The following SGCZ variants were observed in gnomAD, a reference collection of about 807,000 sequenced individuals.
SGCZ encodes zeta-sarcoglycan.
Under a neutral mutation model 41.3 loss-of-function variants are expected in SGCZ, and 40 were observed. That is an observed-to-expected ratio of 0.97 (90% CI 0.75 to 1.26). SGCZ has a LOEUF of 1.26. Ranked by LOEUF, SGCZ falls within the 50% of genes most tolerant of loss-of-function variation. The pLI, the probability that SGCZ is intolerant of heterozygous loss-of-function variation, is 0.00. For synonymous variants in SGCZ, 206 were observed against 137.5 expected, an observed-to-expected ratio of 1.50 and a Z score of -3.49; for missense variants, 552 against 369.8, an observed-to-expected ratio of 1.49 and a Z score of -4.04.
chr8:14,958,133 T>G, intron 1 of SGCZ, among the ~76,000 whole-genome samples: 1 of 152,118 alleles, frequency 6.6e-6, no homozygotes, highest in East Asian at 1.9e-4. Flanking sequence ...TCCTCTGGAC[T>G]TTTTTATTTG....
intron 1 of SGCZ, among the ~76,000 whole-genome samples, chr8:14,913,079 TAGAA>T (rs1799325249): frequency 2.0e-5 from 3 of 151,924 alleles, no homozygotes; most frequent in Admixed American, 1.3e-4. Flanking sequence ...GTAGAATAAA[TAGAA>T]AGAAAAAAAT....
Position 15,027,622 on chromosome 8 carries a change from C to T in SGCZ, c.39+209963G>A, listed in dbSNP as rs138359096. On this transcript the variant is annotated intron_variant, in intron 1 of 7. Transcript: ENST00000382080. ...CAATAGAAAGTGGATTTCCGTTAATCTGAAGATATTGCAAGATATAAAATT... is the reference window on the plus strand; with the variant it reads ...CAATAGAAAGTGGATTTCCGTTAATTTGAAGATATTGCAAGATATAAAATT... Among the ~76,000 whole-genome samples, 270 of 152,102 alleles carry T rather than the reference C, an allele frequency of 1.8e-3. 7 individuals carry two copies. Among genetic ancestry groups the T allele is most frequent in the Admixed American group, 0.016 (240 of 15,252 alleles).
chr8:14,475,390 G>A (rs1801328782), intron 2 of SGCZ, among the ~76,000 whole-genome samples: 2 of 152,026 alleles, frequency 1.3e-5, no homozygotes, highest in African/African-American at 2.4e-5. Flanking sequence ...GAAAGTAGCA[G>A]CAAACATTAT....
chr8:14,245,779 G>A (rs1283744278), intron 3 of SGCZ, among the ~76,000 whole-genome samples: 1 of 152,078 alleles, frequency 6.6e-6, no homozygotes, highest in Non-Finnish European at 1.5e-5. Context: ...ATCAAAAAGT[G>A]GGTGAAGGAC....
intron 1 of SGCZ, among the ~76,000 whole-genome samples, chr8:14,735,262 G>T (rs1798992702): frequency 1.3e-5 from 2 of 152,150 alleles, no homozygotes; most frequent in East Asian, 3.9e-4. Flanking sequence ...TCTGGGGTGT[G>T]TCTGTAAGGG....
intron 5 of SGCZ, among the ~76,000 whole-genome samples, chr8:14,163,669 A>C (rs546312888): frequency 1.1e-4 from 16 of 152,264 alleles, no homozygotes; most frequent in African/African-American, 3.9e-4. Flanking sequence ...TCTAGAGTTG[A>C]ATATATGGAG....
At chr8:14,692,992 G>A (rs1453945754) in intron 1 of SGCZ, among the ~76,000 whole-genome samples, 1 of 152,144 alleles carries the variant, frequency 6.6e-6, no homozygotes, top group Admixed American at 6.5e-5. Context: ...AGAGCTCTCT[G>A]TATAACTTTA....
At chr8:14,092,654 AG>A (rs1379361625) in intron 7 of SGCZ, among the ~76,000 whole-genome samples, 1 of 151,936 alleles carries the variant, frequency 6.6e-6, no homozygotes, top group Admixed American at 6.6e-5. Flanking sequence ...TGGTTTTATA[AG>A]GGGGAAACCC....
intron 1 of SGCZ, among the ~76,000 whole-genome samples, chr8:14,729,853 G>C (rs1810177192): frequency 1.3e-5 from 2 of 152,212 alleles, no homozygotes; most frequent in Non-Finnish European, 2.9e-5. Context: ...AGGAGGACGA[G>C]GCAGGCAGAC....
At chr8:14,938,802 G>A (rs141080734) in intron 1 of SGCZ, among the ~76,000 whole-genome samples, 2 of 152,058 alleles carry the variant, frequency 1.3e-5, no homozygotes, top group African/African-American at 2.4e-5. Flanking sequence ...ATAAGCTGTG[G>A]TACAATGATA....
chr8:15,032,470 AG>A (rs1803710729), intron 1 of SGCZ, among the ~76,000 whole-genome samples: 1 of 152,052 alleles, frequency 6.6e-6, no homozygotes. Context: ...GGCCCACTCT[AG>A]TAAAATGCAG....
intron 5 of SGCZ, among the ~76,000 whole-genome samples, chr8:14,140,842 A>G (rs532331691): frequency 1.3e-5 from 2 of 152,306 alleles, no homozygotes; most frequent in East Asian, 1.9e-4. Flanking sequence ...ATATGGAACC[A>G]AAAAAGAGCC....
chr8:15,209,322 C>T (rs1801166581), intron 1 of SGCZ, among the ~76,000 whole-genome samples: 1 of 152,002 alleles, frequency 6.6e-6, no homozygotes, highest in Admixed American at 6.6e-5. Flanking sequence ...TTGTAAGAGA[C>T]TTCTGAGACT....
At chr8:15,120,913 G>A (rs1807454758) in intron 1 of SGCZ, among the ~76,000 whole-genome samples, 4 of 152,150 alleles carry the variant, frequency 2.6e-5, no homozygotes, top group Admixed American at 2.6e-4. Context: ...TCCAAAAACA[G>A]CCTCTGAAGA....
rs1801548660 is a variant in SGCZ at position 14,087,304 on chromosome 8, TG to T, written c.*3138del. The stretch of plus-strand genomic sequence containing the variant: ...ATTTGGAAGTTTTTGTTGTTCTTGC[TG>T]TTTTTTTTTGAAGTATTTAATTGAA... On this transcript the variant is annotated 3_prime_UTR_variant, in exon 8 of 8. Transcript: ENST00000382080. Among the ~76,000 whole-genome samples the T allele has an allele frequency of 1.2e-5, 1 of 84,584 alleles. No homozygotes were observed. The highest frequency in any genetic ancestry group is 1.1e-4 in the Admixed American group (1 of 9,356). The allele number at this position is 84,584 out of a possible 152,430, so 55.5% of individuals were successfully genotyped here. A position where few individuals can be genotyped will look rare whatever the true frequency, so the allele number is the denominator to read the frequency against.
intron 1 of SGCZ, among the ~76,000 whole-genome samples, chr8:15,219,855 C>T (rs1164237097): frequency 2.0e-5 from 3 of 152,096 alleles, no homozygotes; most frequent in Non-Finnish European, 2.9e-5. Flanking sequence ...AACAAATATT[C>T]CTGAAGTGCC....
chr8:14,421,163 C>T (rs1172375487), intron 2 of SGCZ, among the ~76,000 whole-genome samples: 1 of 151,978 alleles, frequency 6.6e-6, no homozygotes, highest in Non-Finnish European at 1.5e-5. Flanking sequence ...TTCGTATGAC[C>T]AGTCTAACAT....
At chr8:14,620,439 G>T (rs1201840613) in intron 1 of SGCZ, among the ~76,000 whole-genome samples, 3 of 152,048 alleles carry the variant, frequency 2.0e-5, no homozygotes, top group Non-Finnish European at 2.9e-5. Context: ...ATTGACAAAT[G>T]GGATCTAATT....
At chr8:14,544,597 G>A (rs1358265815) in intron 2 of SGCZ, among the ~76,000 whole-genome samples, 1 of 152,028 alleles carries the variant, frequency 6.6e-6, no homozygotes, top group Non-Finnish European at 1.5e-5. Context: ...CTATGGGAAT[G>A]TCTGTCTTGT....
Sources: gnomAD v4.1 joint callset for allele counts (sites outside exome capture counted in the v4.1 genomes callset) on GRCh38, gnomAD v4.1.1 for gene constraint, MANE v1.5 for transcripts, NCBI Gene and HGNC (gene_info 2026-07-23, HGNC 2026-07-21) for gene names.